Variants in MYBL2 observed in about 807,000 individuals in gnomAD.
The protein encoded by MYBL2 is MYB proto-oncogene like 2.
A neutral mutation model predicts 79.9 loss-of-function variants in MYBL2; 28 were observed. The observed-to-expected ratio is 0.35, with a 90% CI of 0.26 to 0.48. The LOEUF (loss-of-function observed/expected upper bound fraction) is 0.48. MYBL2 is among the 20% of genes least tolerant of loss of function. The pLI is 0.99. For missense variants in MYBL2, 735 were observed against 893.9 expected (o/e 0.82, Z 2.27); for synonymous variants, 378 against 361.2 (o/e 1.05, Z -0.53).
chr20:43,715,854 A>G (rs770426111), intron 13 of MYBL2, 105 bp from the exon 14 acceptor site: 160 of 1,417,446 alleles, frequency 1.1e-4, no homozygotes, highest in Non-Finnish European at 1.4e-4. Context: ...TCTGGCTTCT[A>G]GGGGAGGGAG....
chr20:43,711,853 G>A (rs994949775), intron 11 of MYBL2, among the ~76,000 whole-genome samples: 2 of 152,202 alleles, frequency 1.3e-5, no homozygotes, highest in African/African-American at 4.8e-5. Context: ...CCCTGCTCAA[G>A]TTGGGCTGGG....
At chr20:43,675,174 C>T (rs1182707487) in intron 2 of MYBL2, among the ~76,000 whole-genome samples, 1 of 151,494 alleles carries the variant, frequency 6.6e-6, no homozygotes, top group African/African-American at 2.4e-5. Context: ...GAGACAGGGT[C>T]TCGCCATGTT....
chr20:43,680,218 A>G, intron 2 of MYBL2, among the ~76,000 whole-genome samples: 1 of 151,972 alleles, frequency 6.6e-6, no homozygotes. Context: ...AGTAGAGACG[A>G]ACTTTCACCA....
chr20:43,691,517 G>A (rs189395903), intron 5 of MYBL2, among the ~76,000 whole-genome samples: 17 of 150,196 alleles, frequency 1.1e-4, no homozygotes, highest in Admixed American at 1.1e-3. Flanking sequence ...ACAGGCGTGA[G>A]CCACTGTTCC....
chr20:43,684,383 C>A (rs1010749749), intron 4 of MYBL2, among the ~76,000 whole-genome samples: 1 of 151,850 alleles, frequency 6.6e-6, no homozygotes, highest in African/African-American at 2.4e-5. Flanking sequence ...ATTACAGGCG[C>A]CTGCCACCAC....
intron 2 of MYBL2, among the ~76,000 whole-genome samples, chr20:43,681,198 G>A (rs556813609): frequency 1.3e-5 from 2 of 152,246 alleles, no homozygotes; most frequent in Non-Finnish European, 2.9e-5. Flanking sequence ...CCAGCTTCTA[G>A]TGCTGAATCA....
At chr20:43,704,273 C>T (rs1402879875) in intron 8 of MYBL2, among the ~76,000 whole-genome samples, 1 of 152,212 alleles carries the variant, frequency 6.6e-6, no homozygotes, top group Non-Finnish European at 1.5e-5. Flanking sequence ...GCCTCGGCCT[C>T]CCAAAGTGCT....
chr20:43,713,074 A>T lies in MYBL2; in HGVS notation c.1792A>T (p.Met598Leu), dbSNP rs750932621. 3.1e-6 allele frequency: 5 copies of T among 1,613,260 alleles called. No individual in the cohort carries two copies. The highest frequency in any genetic ancestry group is 1.3e-5 in the African/African-American group (1 of 75,026). Residue 598 changes from methionine (M) to leucine (L), a missense_variant, in exon 12 of 14, where the codon ATG becomes TTG. Transcript: ENST00000217026. ...CATTGTGGATGAGGATGTGAAGCTGATGATGTCCACACTGCCCAAGTCTCT... is the reference window on the plus strand; with the variant it reads ...CATTGTGGATGAGGATGTGAAGCTGTTGATGTCCACACTGCCCAAGTCTCT... ...LDIVDEDVKL[M>L]MSTLPKSLSL...
In MYBL2 at chr20:43,687,039, G is replaced by A. The variant is rs765444914; in HGVS notation, c.467G>A (p.Arg156His). Reference sequence around the variant, plus strand: ...GAGGCCCACAAGGTGCTGGGCAACCGCTGGGCCGAGATCGCCAAGATGTTG... The same window carrying A: ...GAGGCCCACAAGGTGCTGGGCAACCACTGGGCCGAGATCGCCAAGATGTTG... ...ICEAHKVLGN[R>H]WAEIAKMLPG... Residue 156 changes from arginine (R) to histidine (H), a missense_variant, in exon 5 of 14, where the codon CGC becomes CAC. Arg to His is a conservative substitution (Grantham distance 29, BLOSUM62 0). Around this residue, in one of 5 missense-constraint regions of MYBL2, gnomAD observed 65 missense variants for 145.2 expected, o/e 0.45. Coordinates refer to ENST00000217026, the MANE Select transcript of MYBL2 (RefSeq NM_002466.4). The A allele has an allele frequency of 2.5e-6, 4 of 1,613,426 alleles. No homozygotes were observed. Among genetic ancestry groups the A allele is most frequent in the Non-Finnish European group, 2.5e-6 (3 of 1,179,996 alleles).
intron 3 of MYBL2, among the ~76,000 whole-genome samples, chr20:43,682,211 C>T (rs1258882237): frequency 6.7e-6 from 1 of 150,320 alleles, no homozygotes; most frequent in African/African-American, 2.5e-5. Flanking sequence ...TTTCAGCAGG[C>T]TTCATGGTGA....
intron 7 of MYBL2, among the ~76,000 whole-genome samples, chr20:43,701,275 G>A (rs1182898313): frequency 1.4e-5 from 2 of 145,922 alleles, no homozygotes; most frequent in African/African-American, 4.8e-5. Flanking sequence ...GGTCCTTGTA[G>A]GATGTACTTC....
chr20:43,706,719 G>GTGTTTTTTTTTTTT lies in MYBL2; in HGVS notation c.1505+1362_1505+1363insGTTTTTTTTTTTTT, dbSNP rs1987791193. ...CTGTCTGTACACAAAAAAAAAAAAA[G>GTGTTTTTTTTTTTT]TTTTTTTTTTTTTTGAGATGGAGTC... On this transcript the variant is annotated intron_variant, in intron 9 of 13. Transcript: ENST00000217026. Among the ~76,000 whole-genome samples, 41 of 70,780 alleles carry GTGTTTTTTTTTTTT rather than the reference G, an allele frequency of 5.8e-4. 2 individuals carry two copies. Among genetic ancestry groups the GTGTTTTTTTTTTTT allele is most frequent in the African/African-American group, 2.3e-3 (39 of 16,752 alleles). 46.4% of individuals were successfully genotyped at this position (70,780 alleles called of 152,430 possible). A position where few individuals can be genotyped will look rare whatever the true frequency, so the allele number is the denominator to read the frequency against.
rs1459238427 is a variant in MYBL2, at chr20:43,702,983, C to T, written c.1365+80C>T. ...AGTGCTGGGGCAAGGGTGAGCAAAA[C>T]GAGACCTGGCTCTGCCCTCATGCAG... On this transcript the variant is annotated intron_variant, in intron 8 of 13. Transcript: ENST00000217026. 36 of 1,427,938 alleles carry T rather than the reference C, an allele frequency of 2.5e-5. 1 individual carries two copies. Among genetic ancestry groups the T allele is most frequent in the South Asian group, 1.5e-4 (11 of 72,422 alleles). The allele number at this position is 1,427,938 out of a possible 1,614,324, so 88.5% of individuals were successfully genotyped here.
In MYBL2 at chr20:43,691,653, C is replaced by G. The variant is rs898034462; in HGVS notation, c.501-504C>G. 2.6e-5 allele frequency among the ~76,000 whole-genome samples: 4 copies of G among 151,566 alleles called. No individual in the cohort carries two copies. The East Asian group carries it at 7.7e-4, about 29-fold the overall frequency. On this transcript the variant is annotated intron_variant, in intron 5 of 13. Transcript: ENST00000217026. ...CTCCTGGGTTCAAGCGATTCTCCTT[C>G]CTCAGACTCCCAAGTAGCTGGGATT...
chr20:43,701,953 G>T (rs1987681856), intron 7 of MYBL2, among the ~76,000 whole-genome samples: 1 of 152,126 alleles, frequency 6.6e-6, no homozygotes, highest in Non-Finnish European at 1.5e-5. Context: ...ATCACCTGAG[G>T]TCAGGAGTTC....
At chr20:43,705,100 G>A (rs905194234) in intron 8 of MYBL2, 119 bp from the exon 9 acceptor site, 10 of 1,321,202 alleles carry the variant, frequency 7.6e-6, no homozygotes, top group African/African-American at 7.3e-5. Context: ...GGGGACCTCA[G>A]TATCAGAGCA....
In MYBL2 at chr20:43,715,333, C is replaced by T. The variant is rs772691669; in HGVS notation, c.1974+50C>T. On this transcript the variant is annotated intron_variant, in intron 13 of 13. Transcript: ENST00000217026. Reference sequence around the variant, plus strand: ...GGTCCTGCAGTGCCCGCCTTCTTAGCTCAGGGCTGAGTGCTGGCCATCCCT... The same window carrying T: ...GGTCCTGCAGTGCCCGCCTTCTTAGTTCAGGGCTGAGTGCTGGCCATCCCT... The T allele has an allele frequency of 8.1e-6, 13 of 1,611,102 alleles. No homozygotes were observed. In the South Asian group the frequency reaches 1.2e-4, roughly 15 times the overall value.
chr20:43,716,218 C>CT lies in MYBL2; in HGVS notation c.*132dup. On this transcript the variant is annotated 3_prime_UTR_variant, in exon 14 of 14. Coordinates refer to ENST00000217026, the MANE Select transcript of MYBL2 (RefSeq NM_002466.4). ...TCTGCCACCAGCCCCTCCCCAGACT[C>CT]TCAGGTGGAGGCAACAGGGCCATGT... is the stretch of plus-strand genomic sequence containing the variant. 1 of 1,436,748 alleles carries CT rather than the reference C, an allele frequency of 7.0e-7. No homozygotes were observed. The highest frequency in any genetic ancestry group is 9.4e-7 in the Non-Finnish European group (1 of 1,065,750). The allele number at this position is 1,436,748 out of a possible 1,614,324, so 89.0% of individuals were successfully genotyped here. A position where few individuals can be genotyped will look rare whatever the true frequency, so the allele number is the denominator to read the frequency against.
intron 5 of MYBL2, among the ~76,000 whole-genome samples, chr20:43,691,190 G>A (rs1003128865): frequency 6.6e-6 from 1 of 152,188 alleles, no homozygotes; most frequent in Non-Finnish European, 1.5e-5. Context: ...AGGTCAGCGT[G>A]AGACTCAGTG....
Sources: gnomAD v4.1 joint callset for allele counts (sites outside exome capture counted in the v4.1 genomes callset) on GRCh38, gnomAD v4.1.1 for gene constraint, gnomAD v4.1.1 regional missense constraint, MANE v1.5 for transcripts, NCBI Gene and HGNC (gene_info 2026-07-23, HGNC 2026-07-21) for gene names.